Variants in C1orf21 observed in about 807,000 individuals in gnomAD.
C1orf21 encodes uncharacterized protein C1orf21.
C1orf21 carries 3 observed loss-of-function variants against 18.7 expected under a neutral mutation model. The observed-to-expected ratio is 0.16, with a 90% CI of 0.07 to 0.42. The LOEUF is 0.42. C1orf21 is among the 10% of genes least tolerant of loss of function. The pLI is 0.99. For missense variants in C1orf21, 104 were observed against 143.6 expected (o/e 0.72, Z 1.41); for synonymous variants, 41 against 46.4 (o/e 0.88, Z 0.47).
At chr1:184,604,729 G>C (rs577607300) in intron 5 of C1orf21, among the ~76,000 whole-genome samples, 7 of 152,310 alleles carry the variant, frequency 4.6e-5, no homozygotes, top group African/African-American at 1.4e-4. Flanking sequence ...AACCACTGGT[G>C]AAGTGTGTGC....
intron 4 of C1orf21, among the ~76,000 whole-genome samples, chr1:184,598,036 A>T (rs1345228825): frequency 6.6e-6 from 1 of 151,558 alleles, no homozygotes; most frequent in Non-Finnish European, 1.5e-5. Flanking sequence ...TTTCTTTTTT[A>T]TTTTTTTCAA....
intron 1 of C1orf21, among the ~76,000 whole-genome samples, chr1:184,435,464 C>T (rs570102348): frequency 9.2e-5 from 14 of 152,306 alleles, no homozygotes; most frequent in Admixed American, 4.6e-4. Context: ...CTGCCTCAGC[C>T]TCCCGAGTAG....
rs146765356 is a variant in C1orf21, at chr1:184,552,626, GAATA to G, written c.190-38111_190-38108del. Among the ~76,000 whole-genome samples, 881 of 152,238 alleles carry G rather than the reference GAATA, an allele frequency of 5.8e-3. 24 individuals carry two copies. The East Asian group carries it at 0.069, about 12-fold the overall frequency. On this transcript the variant is annotated intron_variant, in intron 3 of 5. Coordinates refer to ENST00000235307, the MANE Select transcript of C1orf21 (RefSeq NM_030806.4). ...TTTATTTGTCATGGTGAAAAAAAGG[GAATA>G]ACCAAATTTCCCAGTATTACCCGGA...
intron 3 of C1orf21, among the ~76,000 whole-genome samples, chr1:184,557,750 G>A (rs1286498414): frequency 6.6e-6 from 1 of 152,144 alleles, no homozygotes; most frequent in African/African-American, 2.4e-5. Flanking sequence ...TTCCATTTAG[G>A]AAGTACTTAG....
intron 5 of C1orf21, among the ~76,000 whole-genome samples, chr1:184,607,067 G>A (rs2102006150): frequency 1.3e-5 from 2 of 152,282 alleles, no homozygotes; most frequent in South Asian, 4.1e-4. Flanking sequence ...GGCACATTCT[G>A]CTCTGTTCCT....
intron 1 of C1orf21, among the ~76,000 whole-genome samples, chr1:184,398,681 C>T (rs1453112373): frequency 6.6e-6 from 1 of 152,154 alleles, no homozygotes; most frequent in African/African-American, 2.4e-5. Flanking sequence ...CCTATTGCTC[C>T]TAGGCTATAG....
chr1:184,621,854 G>GTAT lies in C1orf21; in HGVS notation c.*2298_*2299insTAT, dbSNP rs1659921621. 6.6e-6 allele frequency: 1 copy of GTAT among 152,276 alleles called. No homozygotes were observed. The highest frequency in any genetic ancestry group is 2.4e-5 in the African/African-American group (1 of 41,556). The allele number at this position is 152,276 out of a possible 1,614,324, so 9.4% of individuals were successfully genotyped here. Reference sequence around the variant, plus strand: ...GGTTCTGGCTCCGGTGTTTAACACTGGATACATCTTTGATGTGCGAAAGTG... The same window carrying GTAT: ...GGTTCTGGCTCCGGTGTTTAACACTGTATGATACATCTTTGATGTGCGAAAGTG... On this transcript the variant is annotated 3_prime_UTR_variant, in exon 6 of 6. Transcript: ENST00000235307.
In C1orf21 at chr1:184,469,693, C is replaced by T. The variant is rs150070164; in HGVS notation, c.-124-7693C>T. Among the ~76,000 whole-genome samples, 234 of 152,268 alleles carry T rather than the reference C, an allele frequency of 1.5e-3. 1 individual carries two copies. The highest frequency in any genetic ancestry group is 3.8e-3 in the African/African-American group (159 of 41,560). On this transcript the variant is annotated intron_variant, in intron 1 of 5. Transcript: ENST00000235307. ...TATACTCTCCATCAGCAAATGCTTA[C>T]GGAGGGTATGCTAAGAGTTGCACAT...
intron 3 of C1orf21, among the ~76,000 whole-genome samples, chr1:184,544,213 C>T (rs1658696933): frequency 6.6e-6 from 1 of 152,156 alleles, no homozygotes; most frequent in South Asian, 2.1e-4. Context: ...CTAGACTCAA[C>T]TTCAGTGGTT....
chr1:184,491,692 T>C (rs10797970), intron 2 of C1orf21, among the ~76,000 whole-genome samples: 25,913 of 152,184 alleles, frequency 0.17, 2,443 homozygotes, highest in Admixed American at 0.28. Context: ...TGGTTACTTA[T>C]AGCAAAGTTC....
At chr1:184,475,778 T>TGTCC (rs1657562171) in intron 1 of C1orf21, among the ~76,000 whole-genome samples, 1 of 149,034 alleles carries the variant, frequency 6.7e-6, no homozygotes, top group Non-Finnish European at 1.5e-5. Flanking sequence ...TGTGTGTGTG[T>TGTCC]GTGTCCATCC....
intron 2 of C1orf21, among the ~76,000 whole-genome samples, chr1:184,479,038 A>G (rs1043426217): frequency 6.6e-6 from 1 of 152,256 alleles, no homozygotes; most frequent in African/African-American, 2.4e-5. Flanking sequence ...GCTAAGCCAC[A>G]GTTAAAAGTG....
At chr1:184,553,921 G>A (rs986804962) in intron 3 of C1orf21, among the ~76,000 whole-genome samples, 6 of 152,200 alleles carry the variant, frequency 3.9e-5, no homozygotes, top group African/African-American at 1.4e-4. Context: ...GATTTTCTCG[G>A]CTTGAAAGAG....
At chr1:184,515,870 A>G (rs1323250889) in intron 3 of C1orf21, among the ~76,000 whole-genome samples, 3 of 152,060 alleles carry the variant, frequency 2.0e-5, no homozygotes, top group East Asian at 3.9e-4. Flanking sequence ...CCGGAGTGCA[A>G]TGGCGTGATC....
At chr1:184,463,073 A>T (rs1247227987) in intron 1 of C1orf21, among the ~76,000 whole-genome samples, 1 of 133,378 alleles carries the variant, frequency 7.5e-6, no homozygotes, top group Non-Finnish European at 1.6e-5. Flanking sequence ...CACGAGCAAG[A>T]CTCCATCTCA....
At chr1:184,502,241 A>T (rs1425827497) in intron 2 of C1orf21, among the ~76,000 whole-genome samples, 1 of 152,120 alleles carries the variant, frequency 6.6e-6, no homozygotes, top group Non-Finnish European at 1.5e-5. Flanking sequence ...TTTGTATCTG[A>T]TGAGAGTCCG....
intron 1 of C1orf21, among the ~76,000 whole-genome samples, chr1:184,424,919 T>C: frequency 6.6e-6 from 1 of 152,202 alleles, no homozygotes; most frequent in Non-Finnish European, 1.5e-5. Context: ...GAGTTTCTGG[T>C]TATCAGAACA....
chr1:184,503,763 C>A (rs12401841), intron 2 of C1orf21, among the ~76,000 whole-genome samples: 25,835 of 152,146 alleles, frequency 0.17, 2,475 homozygotes, highest in Admixed American at 0.29. Flanking sequence ...CCATTCCTTC[C>A]AAGCTTTGCA....
At chr1:184,478,242 T>A (rs1657601259) in intron 2 of C1orf21, among the ~76,000 whole-genome samples, 1 of 152,092 alleles carries the variant, frequency 6.6e-6, no homozygotes, top group South Asian at 2.1e-4. Flanking sequence ...TTTTAAAGTG[T>A]AATAGAGAGT....
Sources: gnomAD v4.1 joint callset for allele counts (sites outside exome capture counted in the v4.1 genomes callset) on GRCh38, gnomAD v4.1.1 for gene constraint, MANE v1.5 for transcripts, NCBI Gene and HGNC (gene_info 2026-07-23, HGNC 2026-07-21) for gene names.